The following PAFAH1B2 variants were observed in gnomAD, a reference collection of about 807,000 sequenced individuals.
PAFAH1B2 encodes platelet-activating factor acetylhydrolase IB subunit alpha2.
PAFAH1B2 carries 8 observed loss-of-function variants against 28.0 expected under a neutral mutation model. The observed-to-expected ratio is 0.29, with a 90% confidence interval of 0.17 to 0.52. The LOEUF (loss-of-function observed/expected upper bound fraction) is 0.52. Ranked by LOEUF, PAFAH1B2 falls within the 20% of genes least tolerant of loss-of-function variation. The probability of loss-of-function intolerance (pLI) is 0.97; values close to 1 mark genes in which losing one functional copy is unlikely to be tolerated. For missense variants in PAFAH1B2, 190 were observed against 282.6 expected, an observed-to-expected ratio of 0.67 and a Z score of 2.35; for synonymous variants, 104 against 103.2, an observed-to-expected ratio of 1.01 and a Z score of -0.05.
chr11:117,173,401 G>A (rs1377348940), downstream of PAFAH1B2, among the ~76,000 whole-genome samples: 1 of 152,204 alleles, frequency 6.6e-6, no homozygotes, highest in African/African-American at 2.4e-5. Flanking sequence ...TGAGTACTTA[G>A]GACAGTAGAG....
At chr11:117,156,743 G>A (rs1253567500) in intron 2 of PAFAH1B2, among the ~76,000 whole-genome samples, 1 of 152,100 alleles carries the variant, frequency 6.6e-6, no homozygotes, top group Non-Finnish European at 1.5e-5. Flanking sequence ...AGTTGGGGCC[G>A]GGCACGGTGG....
chr11:117,147,550 T>G (rs1394454608), intron 1 of PAFAH1B2, among the ~76,000 whole-genome samples: 4 of 152,192 alleles, frequency 2.6e-5, no homozygotes, highest in African/African-American at 9.7e-5. Context: ...TGCATAGTCT[T>G]CTAGGTTGTG....
At chr11:117,162,335 C>G (rs1428227631) in intron 4 of PAFAH1B2, among the ~76,000 whole-genome samples, 1 of 151,832 alleles carries the variant, frequency 6.6e-6, no homozygotes, top group African/African-American at 2.4e-5. Flanking sequence ...GGGTCTTGGT[C>G]TTGTTATGTT....
chr11:117,151,720 A>T (rs1323100782), intron 1 of PAFAH1B2, among the ~76,000 whole-genome samples: 1 of 150,780 alleles, frequency 6.6e-6, no homozygotes. Flanking sequence ...TTTTTTTTTG[A>T]GACAGAGTCT....
At chr11:117,151,573 T>TA (rs1230810255) in intron 1 of PAFAH1B2, among the ~76,000 whole-genome samples, 2 of 152,108 alleles carry the variant, frequency 1.3e-5, no homozygotes, top group African/African-American at 4.8e-5. Context: ...AAAATAAAAA[T>TA]ACCTAGTAAA....
At chr11:117,164,268 G>A (rs113919517) in intron 5 of PAFAH1B2, 3,003 of 156,968 alleles carry the variant, frequency 0.019, 113 homozygotes, top group African/African-American at 0.069. Flanking sequence ...TTAGCCGGGT[G>A]TGGTGGCAGG....
chr11:117,145,637 G>A (rs1955986134), intron 1 of PAFAH1B2, among the ~76,000 whole-genome samples: 1 of 152,136 alleles, frequency 6.6e-6, no homozygotes, highest in African/African-American at 2.4e-5. Flanking sequence ...GGAGGTGCTG[G>A]ACCGGAGGAA....
intron 2 of PAFAH1B2, among the ~76,000 whole-genome samples, chr11:117,156,394 T>C (rs1022797913): frequency 2.6e-5 from 4 of 152,148 alleles, no homozygotes; most frequent in African/African-American, 9.7e-5. Context: ...ATTATGTACT[T>C]TCTTAAGATC....
intron 4 of PAFAH1B2, among the ~76,000 whole-genome samples, chr11:117,163,128 C>T (rs1956411862): frequency 6.6e-6 from 1 of 152,122 alleles, no homozygotes; most frequent in Non-Finnish European, 1.5e-5. Context: ...TATTATTCCC[C>T]TTGGAATTTA....
At chr11:117,150,710 G>C (rs45625638) in intron 1 of PAFAH1B2, among the ~76,000 whole-genome samples, 26,126 of 152,012 alleles carry the variant, frequency 0.17, 2,385 homozygotes, top group African/African-American at 0.21. Context: ...AGAAAGCTTA[G>C]CTGTATTTGA....
Position 117,170,187 on chromosome 11 carries a change from T to C in PAFAH1B2, c.*2488T>C. On this transcript the variant is annotated 3_prime_UTR_variant, in exon 6 of 6. Coordinates refer to ENST00000527958, the MANE Select transcript of PAFAH1B2 (RefSeq NM_002572.4). Reference sequence around the variant, plus strand: ...TTGCGTCAGTGACAGAACTTACTGCTTAGTCTTTGTACTTTTTAAAAAATC... The same window carrying C: ...TTGCGTCAGTGACAGAACTTACTGCCTAGTCTTTGTACTTTTTAAAAAATC... 1 of 1,056,874 alleles carries C rather than the reference T, an allele frequency of 9.5e-7. No homozygotes were observed. The highest frequency in any genetic ancestry group is 1.1e-6 in the Non-Finnish European group (1 of 874,020). The allele number at this position is 1,056,874 out of a possible 1,614,324, so 65.5% of individuals were successfully genotyped here.
chr11:117,163,724 C>T, intron 4 of PAFAH1B2, 46 bp from the exon 5 acceptor site: 1 of 1,581,074 alleles, frequency 6.3e-7, no homozygotes, highest in East Asian at 2.3e-5. Context: ...TTCCTTTGTT[C>T]CTGGGTATTT....
chr11:117,174,807 C>T, downstream of PAFAH1B2: 1 of 764,472 alleles, frequency 1.3e-6, no homozygotes, highest in Non-Finnish European at 2.0e-6. Flanking sequence ...TAGAGACGGG[C>T]TTTTACCATG....
At position 117,167,508 on chromosome 11, in the gene PAFAH1B2, C is replaced by G. The variant is rs772376964; in HGVS notation, c.499C>G (p.Leu167Val). Residue 167 changes from leucine to valine, a missense_variant, in exon 6 of 6, where the codon CTT (leucine) becomes GTT (valine). By Grantham distance (32) the Leu-to-Val change is conservative. Coordinates refer to ENST00000527958, the MANE Select transcript of PAFAH1B2 (RefSeq NM_002572.4). ...ACTCCTCAAGGTTTCGCTGCCGAAG[C>G]TTGCCAACGTGCAGCTCCTGGATAC... Reference protein sequence around the residue: ...NQLLKVSLPKLANVQLLDTDG... With the variant: ...NQLLKVSLPKVANVQLLDTDG... The G allele has an allele frequency of 1.2e-6, 2 of 1,612,478 alleles. No individual in the cohort carries two copies. The highest frequency in any genetic ancestry group is 1.1e-5 in the South Asian group (1 of 90,698).
chr11:117,157,415 T>TA (rs1956277453), intron 2 of PAFAH1B2, among the ~76,000 whole-genome samples: 1 of 152,126 alleles, frequency 6.6e-6, no homozygotes, highest in Non-Finnish European at 1.5e-5. Flanking sequence ...GGCCTAGGAT[T>TA]ACAGGCGTGA....
Position 117,168,025 on chromosome 11 carries a change from T to A in PAFAH1B2, c.*326T>A, listed in dbSNP as rs77171490. The A allele has an allele frequency of 0.057, 61,021 of 1,070,406 alleles. 1,776 individuals carry two copies. The highest frequency in any genetic ancestry group is 0.098 in the Middle Eastern group (237 of 2,412). 66.3% of individuals were successfully genotyped at this position (1,070,406 alleles called of 1,614,324 possible). ...CATCAAGCCTAAATACTGAACAATA[T>A]GAAGATTCTTTTCTTGGCCTTTCTG... On this transcript the variant is annotated 3_prime_UTR_variant, in exon 6 of 6. Transcript: ENST00000527958.
chr11:117,152,418 A>G (rs1956172577), intron 1 of PAFAH1B2, 23 bp from the exon 2 acceptor site: 1 of 1,459,294 alleles, frequency 6.9e-7, no homozygotes, highest in Non-Finnish European at 9.6e-7. Context: ...CAAATGAAAC[A>G]TGACATAGAC....
At chr11:117,164,000 G>T (rs1265601158) in intron 5 of PAFAH1B2, 108 bp downstream of exon 5, 28 of 1,154,294 alleles carry the variant, frequency 2.4e-5, no homozygotes, top group Admixed American at 4.0e-5. Flanking sequence ...GGTGGAAGCA[G>T]TTTATCATAC....
intron 3 of PAFAH1B2, among the ~76,000 whole-genome samples, chr11:117,160,731 A>G (rs986059627): frequency 6.6e-6 from 1 of 151,156 alleles, no homozygotes; most frequent in East Asian, 1.9e-4. Flanking sequence ...TGCTGGGATT[A>G]TAGGCATGGG....
Sources: gnomAD v4.1 joint callset for allele counts (sites outside exome capture counted in the v4.1 genomes callset) on GRCh38, gnomAD v4.1.1 for gene constraint, MANE v1.5 for transcripts, NCBI Gene and HGNC (gene_info 2026-07-23, HGNC 2026-07-21) for gene names.